CATSPERD: variants seen among roughly 807,000 people sequenced by gnomAD.
CATSPERD encodes cation channel sperm-associated auxiliary subunit delta.
In CATSPERD, 86 loss-of-function variants were observed where a neutral mutation model predicts 98.1. That is an observed-to-expected ratio of 0.88 (90% CI 0.74 to 1.05). The LOEUF is 1.05. Ranked by LOEUF, CATSPERD falls within the 50% of genes least tolerant of loss-of-function variation. The pLI is 0.00. For synonymous variants in CATSPERD, 394 were observed against 390.2 expected (o/e 1.01, Z -0.12); for missense variants, 995 against 1,005.7 (o/e 0.99, Z 0.14).
rs142385923 is a variant in CATSPERD, at chr19:5,777,304, T to C, written c.2096+989T>C. 2.5e-3 allele frequency among the ~76,000 whole-genome samples: 374 copies of C among 152,204 alleles called. 1 individual carries two copies. The highest frequency in any genetic ancestry group is 3.1e-3 in the Non-Finnish European group (213 of 68,008). On this transcript the variant is annotated intron_variant, in intron 21 of 21. Transcript: ENST00000381624. ...TGGAAGGCACTGGGTAGGGTGAGGA[T>C]GTCCACCAGAGAGAGGAGACATGTG...
At chr19:5,728,643 G>T (rs1283537398) in intron 3 of CATSPERD, among the ~76,000 whole-genome samples, 1 of 151,642 alleles carries the variant, frequency 6.6e-6, no homozygotes, top group African/African-American at 2.4e-5. Context: ...AGGATCACTT[G>T]AGCCCAGGAG....
chr19:5,746,064 GT>G lies in CATSPERD; in HGVS notation c.808+2del, dbSNP rs1395937211. 4 of 1,613,488 alleles carry G rather than the reference GT, an allele frequency of 2.5e-6. No homozygotes were observed. Among genetic ancestry groups the G allele is most frequent in the Non-Finnish European group, 3.4e-6 (4 of 1,179,992 alleles). ...AGCCTGTTGTTTTCCCATAATGCAGGTGAGCCCAGGGGCCCAGGGTGGGGCT... is the reference window on the plus strand; with the variant it reads ...AGCCTGTTGTTTTCCCATAATGCAGGGAGCCCAGGGGCCCAGGGTGGGGCT... On this transcript the variant is annotated splice_donor_variant, in intron 9 of 21. Transcript: ENST00000381624. LOFTEE classifies it high-confidence loss of function.
At chr19:5,749,862 A>C (rs2145774588) in intron 11 of CATSPERD, among the ~76,000 whole-genome samples, 1 of 147,052 alleles carries the variant, frequency 6.8e-6, no homozygotes, top group East Asian at 2.1e-4. Context: ...GGAATGCCAC[A>C]GCACAATCTT....
intron 14 of CATSPERD, among the ~76,000 whole-genome samples, chr19:5,758,502 T>C (rs1284230808): frequency 1.4e-5 from 2 of 145,824 alleles, no homozygotes; most frequent in Non-Finnish European, 3.0e-5. Flanking sequence ...CCAAGGTGGG[T>C]GGATCACTTG....
chr19:5,755,794 A>C (rs922307857), intron 13 of CATSPERD, among the ~76,000 whole-genome samples: 8 of 151,226 alleles, frequency 5.3e-5, no homozygotes, highest in African/African-American at 1.9e-4. Flanking sequence ...TAAATAAATA[A>C]ATAAAAATAA....
rs1216347741 is a variant in CATSPERD, at chr19:5,741,088, AAAAAG to A, written c.573+1664_573+1668del. Among the ~76,000 whole-genome samples the A allele has an allele frequency of 1.2e-4, 18 of 148,610 alleles. No individual in the cohort carries two copies. In the East Asian group the frequency reaches 1.6e-3, roughly 13 times the overall value. ...TGACAGAGTGAGACCCTGTCTTAAA[AAAAAG>A]AAAAGAAAAGAAAAAAGCTAATGCC... is the stretch of plus-strand genomic sequence containing the variant. On this transcript the variant is annotated intron_variant, in intron 7 of 21. Transcript: ENST00000381624.
At chr19:5,775,059 TAA>T (rs993807714) in intron 20 of CATSPERD, among the ~76,000 whole-genome samples, 4 of 152,080 alleles carry the variant, frequency 2.6e-5, no homozygotes, top group Non-Finnish European at 4.4e-5. Flanking sequence ...TCACCCAGGC[TAA>T]GTTATTAAGC....
At chr19:5,749,025 C>T in intron 10 of CATSPERD, 76 bp from the exon 11 acceptor site, 2 of 1,311,462 alleles carry the variant, frequency 1.5e-6, no homozygotes, top group Non-Finnish European at 2.2e-6. Context: ...CCACTGCACC[C>T]AACCACACTT....
At chr19:5,753,291 T>C (rs113499369) in intron 12 of CATSPERD, among the ~76,000 whole-genome samples, 15,458 of 151,906 alleles carry the variant, frequency 0.1, 823 homozygotes, top group South Asian at 0.14. Context: ...GCGGGCGCGG[T>C]GGCTCACGCC....
At chr19:5,775,212 A>G (rs747671565) in intron 20 of CATSPERD, 2 of 470,770 alleles carry the variant, frequency 4.2e-6, no homozygotes, top group South Asian at 3.1e-5. Flanking sequence ...GGGGGAACGA[A>G]TGTAGAAATG....
intron 1 of CATSPERD, 68 bp from the exon 2 acceptor site, chr19:5,724,740 G>A: frequency 1.3e-6 from 2 of 1,491,370 alleles, no homozygotes; most frequent in African/African-American, 1.4e-5. Flanking sequence ...CCCTGAGTTG[G>A]CTGAGTAGGA....
chr19:5,749,009 C>T (rs887586942), intron 10 of CATSPERD, 92 bp from the exon 11 acceptor site: 20 of 1,025,302 alleles, frequency 2.0e-5, no homozygotes, highest in East Asian at 1.7e-4. Flanking sequence ...GAATTACAGG[C>T]GTGAGCCACT....
Position 5,776,178 on chromosome 19 carries a change from C to A in CATSPERD, c.1959C>A (p.His653Gln), listed in dbSNP as rs774517722. ...CCCCACAGAACTATGTGAGCTGCCA[C>A]GACCCCAACAACAATGCCCCTTTGA... is the stretch of plus-strand genomic sequence containing the variant. Reference protein sequence around the residue: ...FWNRENYVSCHDPNNNAPLRW... With the variant: ...FWNRENYVSCQDPNNNAPLRW... Residue 653 changes from histidine to glutamine, a missense_variant, in exon 21 of 22, where the codon CAC (histidine) becomes CAA (glutamine). Coordinates refer to ENST00000381624, the MANE Select transcript of CATSPERD (RefSeq NM_152784.4). The A allele has an allele frequency of 1.9e-6, 3 of 1,614,188 alleles. No homozygotes were observed. Among genetic ancestry groups the A allele is most frequent in the Admixed American group, 1.7e-5 (1 of 60,020 alleles).
chr19:5,751,924 A>G, intron 12 of CATSPERD, 101 bp downstream of exon 12: 1 of 1,107,700 alleles, frequency 9.0e-7, no homozygotes, highest in South Asian at 1.8e-5. Flanking sequence ...GTTGCTCAGG[A>G]GGCTGAGGCT....
chr19:5,777,984 G>A (rs2056763717), intron 21 of CATSPERD, among the ~76,000 whole-genome samples: 3 of 151,958 alleles, frequency 2.0e-5, no homozygotes, highest in East Asian at 1.9e-4. Flanking sequence ...AGAGGCGGGC[G>A]GATCACTTGA....
chr19:5,764,378 C>T (rs2056500445), intron 16 of CATSPERD, among the ~76,000 whole-genome samples: 1 of 151,886 alleles, frequency 6.6e-6, no homozygotes, highest in African/African-American at 2.4e-5. Context: ...TGCAGTGGTG[C>T]GATCTCGGCT....
intron 15 of CATSPERD, among the ~76,000 whole-genome samples, chr19:5,762,058 A>ATATATATATATTTTTTTT: frequency 9.6e-5 from 1 of 10,438 alleles, no homozygotes; most frequent in Admixed American, 1.4e-3. Context: ...ATATATATAT[A>ATATATATATATTTTTTTT]TTTTTTTTTT....
chr19:5,760,888 G>C (rs2056420754), intron 15 of CATSPERD, among the ~76,000 whole-genome samples: 1 of 151,582 alleles, frequency 6.6e-6, no homozygotes, highest in African/African-American at 2.4e-5. Flanking sequence ...ACTCCAGCCT[G>C]GGCAATAGAG....
chr19:5,733,829 T>C (rs1300625985), intron 4 of CATSPERD, 27 bp from the exon 5 acceptor site: 1 of 1,413,800 alleles, frequency 7.1e-7, no homozygotes, highest in Non-Finnish European at 9.9e-7. Flanking sequence ...ATGCTCTCAT[T>C]GATATCATCC....
Sources: allele counts gnomAD v4.1 joint callset (sites outside exome capture counted in the v4.1 genomes callset), GRCh38; gene constraint gnomAD v4.1.1; transcripts MANE v1.5; gene names NCBI Gene and HGNC (gene_info 2026-07-23, HGNC 2026-07-21).